Variants in ZNF674 observed in about 807,000 individuals in gnomAD.
The protein encoded by ZNF674 is zinc finger family member 674.
In ZNF674, 2 loss-of-function variants were observed where a neutral mutation model predicts 7.0. The observed-to-expected ratio is 0.29, with a 90% CI of 0.12 to 0.90. The LOEUF (loss-of-function observed/expected upper bound fraction) is 0.90. Ranked by LOEUF, ZNF674 falls within the 40% of genes least tolerant of loss-of-function variation. ZNF674 has a pLI of 0.57. For synonymous variants in ZNF674, 103 were observed against 145.2 expected, an observed-to-expected ratio of 0.71 and a Z score of 2.09; for missense variants, 297 against 415.5, an observed-to-expected ratio of 0.71 and a Z score of 2.48.
intron 5 of ZNF674, among the ~76,000 whole-genome samples, chrX:46,516,946 G>T (rs767874801): frequency 5.5e-5 from 6 of 109,911 alleles, no homozygotes; most frequent in Admixed American, 2.9e-4. Context: ...ACAGATTGCA[G>T]TGAGCTGAGA....
intron 5 of ZNF674, among the ~76,000 whole-genome samples, chrX:46,508,397 A>G (rs184709364): frequency 8.9e-6 from 1 of 112,313 alleles, no homozygotes; most frequent in East Asian, 2.8e-4. Flanking sequence ...AAAATCTAAG[A>G]TCTATTTTAC....
At chrX:46,529,654 G>A (rs1942073864) in intron 3 of ZNF674, 1 of 102,247 alleles carries the variant, frequency 9.8e-6, no homozygotes, top group African/African-American at 3.5e-5. Flanking sequence ...GGGCAACAGG[G>A]CGAGACTCCA....
At chrX:46,513,459 C>T (rs906807833) in intron 5 of ZNF674, among the ~76,000 whole-genome samples, 2 of 111,640 alleles carry the variant, frequency 1.8e-5, no homozygotes, top group Non-Finnish European at 3.8e-5. Context: ...TGTGTGTACA[C>T]GAGTCTAAAT....
intron 1 of ZNF674, 84 bp downstream of exon 1, chrX:46,545,287 C>T (rs969414343): frequency 9.0e-6 from 1 of 111,267 alleles, no homozygotes; most frequent in African/African-American, 3.3e-5. Flanking sequence ...GGCCCCATGA[C>T]CCCACGGCCC....
chrX:46,508,343 T>G (rs1941579748), intron 5 of ZNF674, among the ~76,000 whole-genome samples: 1 of 112,008 alleles, frequency 8.9e-6, no homozygotes. Flanking sequence ...ATGCAGCTAG[T>G]ATAACCTTGG....
At position 46,500,055 on chromosome X, in the gene ZNF674, G is replaced by A; in HGVS notation, c.1519C>T (p.Leu507Phe). Residue 507 changes from leucine to phenylalanine, a missense_variant, in exon 6 of 6, where the codon CTC (leucine) becomes TTC (phenylalanine). Physicochemically the swap from Leu to Phe is conservative, Grantham distance 22. Transcript: ENST00000683375. ...GTATGAATTCTCTGATGTTTGATGA[G>A]AGTTGACTTCCTACTGAAGGCTTTT... Reference protein sequence around the residue: ...CKKAFSRKSTLIKHQRIHTGE... With the variant: ...CKKAFSRKSTFIKHQRIHTGE... 1 of 1,211,469 alleles carries A rather than the reference G, an allele frequency of 8.3e-7. No homozygotes were observed. Among genetic ancestry groups the A allele is most frequent in the Non-Finnish European group, 1.1e-6 (1 of 895,251 alleles).
chrX:46,502,820 G>A (rs1455844982), intron 5 of ZNF674, among the ~76,000 whole-genome samples: 1 of 112,278 alleles, frequency 8.9e-6, no homozygotes, highest in African/African-American at 3.2e-5. Context: ...TTCTGCCTGT[G>A]CCTTTTTCCC....
intron 3 of ZNF674, among the ~76,000 whole-genome samples, chrX:46,532,021 C>A (rs1942117719): frequency 9.1e-6 from 1 of 110,390 alleles, no homozygotes; most frequent in African/African-American, 3.3e-5. Flanking sequence ...AAAAATTAGC[C>A]AGGCGTGGTG....
Sources: allele counts gnomAD v4.1 joint callset (sites outside exome capture counted in the v4.1 genomes callset), GRCh38; gene constraint gnomAD v4.1.1; transcripts MANE v1.5; gene names NCBI Gene and HGNC (gene_info 2026-07-23, HGNC 2026-07-21).